Variants in BPTF observed in about 807,000 individuals in gnomAD.
The protein encoded by BPTF is bromodomain PHD finger transcription factor.
In BPTF, 18 loss-of-function variants were observed where a neutral mutation model predicts 292.5. That is an observed-to-expected ratio of 0.06 (90% CI 0.04 to 0.09). BPTF has a LOEUF of 0.09. BPTF is among the 10% of genes least tolerant of loss of function. BPTF has a pLI of 1.00. For missense variants in BPTF, 2,726 were observed against 3,498.7 expected (o/e 0.78, Z 5.57); for synonymous variants, 1,225 against 1,251.9 (o/e 0.98, Z 0.45).
At chr17:67,941,229 T>C (rs2065338736) in intron 19 of BPTF, among the ~76,000 whole-genome samples, 2 of 152,150 alleles carry the variant, frequency 1.3e-5, no homozygotes, top group East Asian at 1.9e-4. Context: ...GGCGGGTGGA[T>C]TGCTTGAGGT....
intron 7 of BPTF, 24 bp downstream of exon 7, chr17:67,894,189 A>G (rs780244853): frequency 1.2e-6 from 2 of 1,611,748 alleles, no homozygotes; most frequent in Admixed American, 3.3e-5. Context: ...GAGCCTTGTA[A>G]ATGATGAGTA....
At chr17:67,826,798 TA>T (rs35220893) in intron 1 of BPTF, among the ~76,000 whole-genome samples, 5 of 152,132 alleles carry the variant, frequency 3.3e-5, no homozygotes. Flanking sequence ...ATCTGTTACT[TA>T]AAAGGGAATT....
At chr17:67,832,781 C>T (rs2056809403) in intron 1 of BPTF, among the ~76,000 whole-genome samples, 1 of 133,448 alleles carries the variant, frequency 7.5e-6, no homozygotes, top group Non-Finnish European at 1.5e-5. Context: ...GTTGATTCGC[C>T]TCTTTTTTTT....
intron 26 of BPTF, among the ~76,000 whole-genome samples, chr17:67,973,624 G>C (rs1362028906): frequency 1.3e-5 from 2 of 151,890 alleles, no homozygotes; most frequent in African/African-American, 2.4e-5. Flanking sequence ...TCTCCCCTCA[G>C]CCTCCCTAGT....
At chr17:67,940,757 T>C in intron 19 of BPTF, 101 bp downstream of exon 19, 1 of 1,303,602 alleles carries the variant, frequency 7.7e-7, no homozygotes, top group Non-Finnish European at 1.1e-6. Flanking sequence ...TTAAATGTGC[T>C]GATTTGAAGA....
chr17:67,899,320 C>T (rs758269665), intron 7 of BPTF, among the ~76,000 whole-genome samples: 13 of 152,138 alleles, frequency 8.5e-5, no homozygotes, highest in East Asian at 1.9e-4. Flanking sequence ...GCTGCAGTCA[C>T]GCCAGATACC....
intron 16 of BPTF, 68 bp downstream of exon 16, chr17:67,928,669 C>T: frequency 3.4e-6 from 5 of 1,480,074 alleles, no homozygotes; most frequent in Admixed American, 4.5e-5. Flanking sequence ...CCTTTAGCTA[C>T]TGAAATGAAA....
At chr17:67,910,614 A>G (rs1349212958) in intron 10 of BPTF, among the ~76,000 whole-genome samples, 1 of 152,002 alleles carries the variant, frequency 6.6e-6, no homozygotes, top group African/African-American at 2.4e-5. Context: ...AGCCTGGCCA[A>G]CATTGCGAAA....
intron 23 of BPTF, among the ~76,000 whole-genome samples, chr17:67,949,640 C>CAT (rs10569005): frequency 1.1e-4 from 16 of 150,366 alleles, no homozygotes; most frequent in African/African-American, 3.9e-4. Flanking sequence ...CACATACGTA[C>CAT]ATATATATAT....
At chr17:67,906,314 T>A (rs2062189019) in intron 9 of BPTF, among the ~76,000 whole-genome samples, 1 of 152,084 alleles carries the variant, frequency 6.6e-6, no homozygotes. Flanking sequence ...CTCTTGACTT[T>A]GTGATCTGCC....
chr17:67,930,135 TTAAAAAG>T (rs1489159097), intron 17 of BPTF, among the ~76,000 whole-genome samples: 1 of 149,062 alleles, frequency 6.7e-6, no homozygotes, highest in Non-Finnish European at 1.5e-5. Context: ...AAAAAAAAAA[TTAAAAAG>T]TAATCTACAG....
At chr17:67,883,767 A>G (rs2060573510) in intron 4 of BPTF, among the ~76,000 whole-genome samples, 1 of 152,010 alleles carries the variant, frequency 6.6e-6, no homozygotes, top group South Asian at 2.1e-4. Flanking sequence ...TGCCCAGCTA[A>G]TTTTTGTATT....
chr17:67,922,707 G>A, intron 13 of BPTF, 133 bp from the exon 14 acceptor site: 2 of 933,442 alleles, frequency 2.1e-6, no homozygotes, highest in Non-Finnish European at 3.1e-6. Context: ...CAAAGGCACA[G>A]CTGAGTAGCT....
rs1458952422 is a variant in BPTF at position 67,826,395 on chromosome 17, T to A, written c.613+58T>A. The A allele has an allele frequency of 1.8e-3, 2,593 of 1,404,570 alleles. 1 individual carries two copies. Among genetic ancestry groups the A allele is most frequent in the Non-Finnish European group, 2.3e-3 (2,436 of 1,068,288 alleles). The allele number at this position is 1,404,570 out of a possible 1,614,324, so 87.0% of individuals were successfully genotyped here. A position where few individuals can be genotyped will look rare whatever the true frequency, so the allele number is the denominator to read the frequency against. On this transcript the variant is annotated intron_variant, in intron 1 of 27. Transcript: ENST00000306378. ...TCCCCACCTCCTCTGCCCTCCCCCC[T>A]TGCTCACTCGTGTGCTGTGCATCCT...
At position 67,912,133 on chromosome 17, in the gene BPTF, T is replaced by C. The variant is rs368920109; in HGVS notation, c.4249T>C (p.Tyr1417His). 40 of 1,610,762 alleles carry C rather than the reference T, an allele frequency of 2.5e-5. No homozygotes were observed. Among genetic ancestry groups the C allele is most frequent in the Middle Eastern group, 1.6e-4 (1 of 6,078 alleles). ...TGGAAAAGATAATAAACCCAAAATATATTTGAAAGGTGAATGCTTGAAAGA... is the reference window on the plus strand; with the variant it reads ...TGGAAAAGATAATAAACCCAAAATACATTTGAAAGGTGAATGCTTGAAAGA... ...INGKDNKPKI[Y>H]LKGECLKEIS... The change falls in exon 11 of 28, where the codon TAT (tyrosine) becomes CAT (histidine). Residue 1417 changes from tyrosine to histidine, a missense_variant. Around this residue, in one of 22 missense-constraint regions of BPTF, gnomAD observed 713 missense variants for 714.9 expected, o/e 1.00. Coordinates refer to ENST00000306378, the MANE Select transcript of BPTF (RefSeq NM_182641.4).
intron 27 of BPTF, 162 bp downstream of exon 27, chr17:67,976,120 A>G (rs2069381514): frequency 3.8e-6 from 2 of 529,942 alleles, no homozygotes; most frequent in Non-Finnish European, 3.0e-6. Context: ...ATCTACTGCC[A>G]AGGAGAAGTG....
chr17:67,874,061 G>A (rs952445725), intron 3 of BPTF, among the ~76,000 whole-genome samples: 13 of 151,972 alleles, frequency 8.6e-5, no homozygotes, highest in African/African-American at 3.1e-4. Flanking sequence ...CTCGGAAAAA[G>A]TCCCCAGTGG....
At chr17:67,843,525 T>C (rs890268355) in intron 1 of BPTF, among the ~76,000 whole-genome samples, 5 of 149,096 alleles carry the variant, frequency 3.4e-5, no homozygotes, top group Admixed American at 2.0e-4. Flanking sequence ...TATGTAGATA[T>C]ATATCTAGAT....
At chr17:67,907,447 C>G (rs1366610874) in intron 9 of BPTF, among the ~76,000 whole-genome samples, 1 of 151,634 alleles carries the variant, frequency 6.6e-6, no homozygotes, top group Non-Finnish European at 1.5e-5. Context: ...CCTCCACCTC[C>G]CGGGTTCAAT....
Sources: gnomAD v4.1 joint callset for allele counts (sites outside exome capture counted in the v4.1 genomes callset) on GRCh38, gnomAD v4.1.1 for gene constraint, gnomAD v4.1.1 regional missense constraint, MANE v1.5 for transcripts, NCBI Gene and HGNC (gene_info 2026-07-23, HGNC 2026-07-21) for gene names.